Variants in FBN1 observed in about 807,000 individuals in gnomAD.
FBN1 encodes the protein fibrillin-1.
Under a neutral mutation model 365.1 loss-of-function variants are expected in FBN1, and 29 were observed. The ratio of observed to expected loss-of-function variants is 0.08; its 90% confidence interval spans 0.06 to 0.11. The LOEUF (loss-of-function observed/expected upper bound fraction) is 0.11. Among genes scored for constraint, FBN1 ranks in the 10% least tolerant of loss-of-function variants. FBN1 has a pLI of 1.00. For missense variants in FBN1, 2,476 were observed against 3,703.2 expected (o/e 0.67, Z 8.60); for synonymous variants, 1,210 against 1,270.5 (o/e 0.95, Z 1.01).
intron 6 of FBN1, among the ~76,000 whole-genome samples, chr15:48,542,277 A>C (rs2044063644): frequency 6.6e-6 from 1 of 152,246 alleles, no homozygotes; most frequent in Non-Finnish European, 1.5e-5. Flanking sequence ...CTGCCCAGTC[A>C]CTAAACCACA....
At chr15:48,446,656 A>G in intron 47 of FBN1, 50 bp downstream of exon 47, 1 of 1,041,598 alleles carries the variant, frequency 9.6e-7, no homozygotes, top group Non-Finnish European at 1.5e-6. Flanking sequence ...ATTACAAAGA[A>G]CACATATAAA....
chr15:48,574,344 G>A (rs2044328776), intron 6 of FBN1, among the ~76,000 whole-genome samples: 1 of 152,192 alleles, frequency 6.6e-6, no homozygotes, highest in Non-Finnish European at 1.5e-5. Context: ...AATGTCAAAT[G>A]GAAGGAGCAG....
chr15:48,640,719 CACA>C (rs1890183292), intron 2 of FBN1, among the ~76,000 whole-genome samples: 1 of 152,194 alleles, frequency 6.6e-6, no homozygotes, highest in South Asian at 2.1e-4. Flanking sequence ...CTATAAACCA[CACA>C]ACAAGGGCAG....
chr15:48,489,101 C>T (rs111844815), intron 25 of FBN1, among the ~76,000 whole-genome samples: 17 of 151,176 alleles, frequency 1.1e-4, no homozygotes, highest in African/African-American at 4.1e-4. Context: ...CAGTGGTGTG[C>T]TTGGCTCACT....
At chr15:48,468,597 A>G (rs1371195556) in intron 36 of FBN1, 63 bp from the exon 37 acceptor site, 3 of 1,587,388 alleles carry the variant, frequency 1.9e-6, no homozygotes, top group East Asian at 2.2e-5. Context: ...CATCACCATA[A>G]AAGAACAGGG....
chr15:48,414,257 G>C (rs570769471), intron 64 of FBN1, among the ~76,000 whole-genome samples: 2 of 152,294 alleles, frequency 1.3e-5, no homozygotes, highest in East Asian at 1.9e-4. Flanking sequence ...ATTTGTGTCT[G>C]ATTGCTGGCA....
chr15:48,569,283 C>T (rs1193131819), intron 6 of FBN1, among the ~76,000 whole-genome samples: 1 of 152,004 alleles, frequency 6.6e-6, no homozygotes, highest in Admixed American at 6.6e-5. Context: ...CATTTCACAT[C>T]CACTAGAATG....
chr15:48,598,474 T>C (rs896037847), intron 5 of FBN1, among the ~76,000 whole-genome samples: 1 of 152,182 alleles, frequency 6.6e-6, no homozygotes, highest in East Asian at 1.9e-4. Context: ...GAAGAAAACA[T>C]AGTATGTATA....
chr15:48,585,881 T>G (rs2044431906), intron 6 of FBN1, among the ~76,000 whole-genome samples: 2 of 152,204 alleles, frequency 1.3e-5, no homozygotes, highest in South Asian at 2.1e-4. Context: ...TAATAGATGA[T>G]TTATGTTTCA....
intron 25 of FBN1, among the ~76,000 whole-genome samples, chr15:48,488,966 T>A (rs974485643): frequency 6.6e-6 from 1 of 152,168 alleles, no homozygotes; most frequent in African/African-American, 2.4e-5. Flanking sequence ...AAAGATATAA[T>A]TTATAATTTA....
At chr15:48,586,076 A>T (rs996369646) in intron 6 of FBN1, among the ~76,000 whole-genome samples, 1 of 152,246 alleles carries the variant, frequency 6.6e-6, no homozygotes, top group African/African-American at 2.4e-5. Context: ...TTTACCTCTT[A>T]GTAAATATTT....
At chr15:48,420,890 T>C in intron 62 of FBN1, 84 bp from the exon 63 acceptor site, 1 of 1,427,994 alleles carries the variant, frequency 7.0e-7, no homozygotes, top group Non-Finnish European at 9.7e-7. Context: ...ATCTGGCCCC[T>C]ACACATCCTA....
intron 32 of FBN1, among the ~76,000 whole-genome samples, chr15:48,478,983 T>C (rs2043446537): frequency 6.6e-6 from 1 of 152,238 alleles, no homozygotes; most frequent in African/African-American, 2.4e-5. Context: ...ATAGCATACA[T>C]ATTTTCATAA....
intron 3 of FBN1, 28 bp from the exon 4 acceptor site, chr15:48,610,854 A>C (rs1368524529): frequency 6.3e-7 from 1 of 1,591,978 alleles, no homozygotes. Flanking sequence ...GTCTGTTAGC[A>C]CATGGATTTG....
chr15:48,440,388 C>T (rs1020792029), intron 50 of FBN1, among the ~76,000 whole-genome samples: 1 of 152,188 alleles, frequency 6.6e-6, no homozygotes, highest in African/African-American at 2.4e-5. Context: ...TTTCCTCTGG[C>T]CTGCCACATC....
At chr15:48,547,914 A>C (rs2044108558) in intron 6 of FBN1, among the ~76,000 whole-genome samples, 1 of 152,172 alleles carries the variant, frequency 6.6e-6, no homozygotes, top group South Asian at 2.1e-4. Flanking sequence ...AGCTGAAGAA[A>C]GACAAGTTGG....
At chr15:48,582,643 C>G (rs1229654375) in intron 6 of FBN1, among the ~76,000 whole-genome samples, 1 of 152,170 alleles carries the variant, frequency 6.6e-6, no homozygotes, top group South Asian at 2.1e-4. Context: ...CATCCAAAGG[C>G]GTTCCCCAGG....
chr15:48,454,353 C>T (rs2043223459), intron 44 of FBN1, among the ~76,000 whole-genome samples: 1 of 152,128 alleles, frequency 6.6e-6, no homozygotes, highest in Non-Finnish European at 1.5e-5. Flanking sequence ...TGAAAACAAA[C>T]CAACTCTCAT....
At chr15:48,544,502 T>C (rs937390561) in intron 6 of FBN1, among the ~76,000 whole-genome samples, 3 of 152,228 alleles carry the variant, frequency 2.0e-5, no homozygotes. Flanking sequence ...CTTTATTCCA[T>C]AAATGAAAAG....
Sources: allele counts gnomAD v4.1 joint callset (sites outside exome capture counted in the v4.1 genomes callset), GRCh38; gene constraint gnomAD v4.1.1; transcripts MANE v1.5; gene names NCBI Gene and HGNC (gene_info 2026-07-23, HGNC 2026-07-21).